The following PPP6R2 variants were observed in gnomAD, a reference collection of about 807,000 sequenced individuals.
PPP6R2 encodes the protein serine/threonine-protein phosphatase 6 regulatory subunit 2.
In PPP6R2, 62 loss-of-function variants were observed where a neutral mutation model predicts 100.2. The ratio of observed to expected loss-of-function variants is 0.62; its 90% CI spans 0.50 to 0.76. PPP6R2 has a LOEUF of 0.76. Among genes scored for constraint, PPP6R2 ranks in the 30% least tolerant of loss-of-function variants. The pLI is 0.00. For missense variants in PPP6R2, 1,142 were observed against 1,276.3 expected, an observed-to-expected ratio of 0.89 and a Z score of 1.60; for synonymous variants, 525 against 514.7, an observed-to-expected ratio of 1.02 and a Z score of -0.27.
intron 2 of PPP6R2, among the ~76,000 whole-genome samples, chr22:50,381,129 A>AG (rs1410990819): frequency 6.6e-6 from 1 of 151,438 alleles, no homozygotes; most frequent in African/African-American, 2.4e-5. Flanking sequence ...AAAAAAAAAA[A>AG]AAGAGAACTC....
Position 50,431,886 on chromosome 22 carries a change from A to C in PPP6R2, c.1336-379A>C, listed in dbSNP as rs2063213198. The stretch of plus-strand genomic sequence containing the variant: ...GGAGGTGAGAGAAAGTGCTGAGGGC[A>C]GACAGCCCTAGTCGTTCTTCCGGAC... On this transcript the variant is annotated intron_variant, in intron 11 of 23. Coordinates refer to ENST00000612753, the MANE Select transcript of PPP6R2 (RefSeq NM_001242898.2). This position sits in a 1 kb window ranked among gnomAD's most constrained non-coding sequence, Gnocchi z 4.8. 6.6e-6 allele frequency among the ~76,000 whole-genome samples: 1 copy of C among 152,176 alleles called. No individual in the cohort carries two copies. The highest frequency in any genetic ancestry group is 1.5e-5 in the Non-Finnish European group (1 of 68,022).
intron 3 of PPP6R2, among the ~76,000 whole-genome samples, chr22:50,405,567 TG>T (rs2058749557): frequency 9.2e-6 from 1 of 108,908 alleles, no homozygotes; most frequent in Non-Finnish European, 1.9e-5. Context: ...GTGAGAGGCC[TG>T]GCAGGCGAGT....
At chr22:50,349,238 C>T (rs1454641809) in intron 1 of PPP6R2, among the ~76,000 whole-genome samples, 3 of 150,236 alleles carry the variant, frequency 2.0e-5, no homozygotes, top group Non-Finnish European at 1.5e-5. Flanking sequence ...GTGGTGTGCG[C>T]CTATAGTCCC....
rs145361727 is a variant in PPP6R2, at chr22:50,413,302, T to G, written c.415-1250T>G. ...TTTCAAGGAAATTTCTTTTCTAAAT[T>G]TACAAAAACTGGCATAAAATTGTTT... On this transcript the variant is annotated intron_variant, in intron 4 of 23. Transcript: ENST00000612753. Among the ~76,000 whole-genome samples the G allele has an allele frequency of 4.3e-3, 661 of 152,224 alleles. 8 individuals are homozygous for G. The highest frequency in any genetic ancestry group is 0.015 in the African/African-American group (616 of 41,528).
chr22:50,409,192 T>C (rs2059397349), intron 4 of PPP6R2, among the ~76,000 whole-genome samples: 1 of 152,164 alleles, frequency 6.6e-6, no homozygotes, highest in Non-Finnish European at 1.5e-5. Context: ...TTCCTGAAAC[T>C]GTGGGAGTAG....
At chr22:50,355,511 G>A (rs1394823027) in intron 1 of PPP6R2, among the ~76,000 whole-genome samples, 5 of 147,040 alleles carry the variant, frequency 3.4e-5, no homozygotes, top group Non-Finnish European at 7.4e-5. Context: ...TTACAAGCGT[G>A]AGCCACTGCG....
chr22:50,438,381 T>C, intron 18 of PPP6R2, 83 bp downstream of exon 18: 2 of 1,548,632 alleles, frequency 1.3e-6, no homozygotes, highest in Non-Finnish European at 8.7e-7. Flanking sequence ...TGTGGTTCGT[T>C]AGCTGGCTTG....
At chr22:50,416,214 A>AC in intron 6 of PPP6R2, 57 bp downstream of exon 6, 1 of 1,490,646 alleles carries the variant, frequency 6.7e-7, no homozygotes, top group Non-Finnish European at 9.3e-7. Context: ...CTGCCAGGTC[A>AC]CCCACTGCTG....
chr22:50,409,420 C>CATGATG (rs774981944), intron 4 of PPP6R2, among the ~76,000 whole-genome samples: 17 of 151,938 alleles, frequency 1.1e-4, no homozygotes, highest in African/African-American at 3.4e-4. Context: ...GCCTTTTGAT[C>CATGATG]ATGATGATGA....
At chr22:50,412,966 GT>G (rs771385649) in intron 4 of PPP6R2, among the ~76,000 whole-genome samples, 33 of 121,406 alleles carry the variant, frequency 2.7e-4, no homozygotes, top group South Asian at 7.8e-4. Flanking sequence ...TTTTTTTTTT[GT>G]TTTTTTTTTT....
At chr22:50,360,771 G>C (rs1439734180) in intron 1 of PPP6R2, among the ~76,000 whole-genome samples, 2 of 152,158 alleles carry the variant, frequency 1.3e-5, no homozygotes, top group Non-Finnish European at 2.9e-5. Context: ...TGTGAGCCAG[G>C]GAGCTGACCT....
chr22:50,348,225 T>A (rs1426952510), intron 1 of PPP6R2, among the ~76,000 whole-genome samples: 1 of 152,106 alleles, frequency 6.6e-6, no homozygotes, highest in Non-Finnish European at 1.5e-5. Context: ...TCAGTCTGAG[T>A]TGTAGGAGAA....
At chr22:50,347,233 G>A (rs938608411) in intron 1 of PPP6R2, among the ~76,000 whole-genome samples, 2 of 151,704 alleles carry the variant, frequency 1.3e-5, no homozygotes, top group African/African-American at 2.4e-5. Context: ...GGACCCATTA[G>A]TACCCTGCCC....
Position 50,418,752 on chromosome 22 carries a change from AAAGTCTAGCATCTGCCAGAG to A in PPP6R2, c.619-111_619-92del, listed in dbSNP as rs2060900280. The A allele has an allele frequency of 5.1e-6, 4 of 791,110 alleles. No homozygotes were observed. In the African/African-American group the frequency reaches 6.9e-5, roughly 14 times the overall value. The allele number at this position is 791,110 out of a possible 1,614,324, so 49.0% of individuals were successfully genotyped here. ...ATCACAGTGGTATTGAACAACAACG[AAAGTCTAGCATCTGCCAGAG>A]AAGCAGCAGGACTTGTGCCCTGTGT... On this transcript the variant is annotated intron_variant, in intron 6 of 23. Transcript: ENST00000612753.
intron 1 of PPP6R2, among the ~76,000 whole-genome samples, chr22:50,368,259 G>C (rs928662394): frequency 6.6e-5 from 10 of 152,136 alleles, no homozygotes; most frequent in African/African-American, 2.2e-4. Flanking sequence ...CACAGGAGGT[G>C]GTGGAGCAGA....
chr22:50,375,646 C>T (rs8142229), intron 2 of PPP6R2, among the ~76,000 whole-genome samples: 45,814 of 151,692 alleles, frequency 0.3, 7,258 homozygotes, highest in South Asian at 0.44. Context: ...AAAACCTGTT[C>T]CTGAGAATTG....
intron 9 of PPP6R2, 114 bp downstream of exon 9, chr22:50,422,494 G>A: frequency 1.4e-6 from 2 of 1,396,390 alleles, no homozygotes; most frequent in South Asian, 1.4e-5. Flanking sequence ...GAGTGAATGT[G>A]TTCTAAGACG....
Position 50,434,905 on chromosome 22 carries a change from G to A in PPP6R2, c.1401-61G>A, listed in dbSNP as rs894327095. 7.5e-6 allele frequency: 11 copies of A among 1,470,852 alleles called. No homozygotes were observed. The African/African-American group carries it at 1.3e-4, about 17-fold the overall frequency. The allele number at this position is 1,470,852 out of a possible 1,614,324, so 91.1% of individuals were successfully genotyped here. A position where few individuals can be genotyped will look rare whatever the true frequency, so the allele number is the denominator to read the frequency against. On this transcript the variant is annotated intron_variant, in intron 12 of 23. Transcript: ENST00000612753. The stretch of plus-strand genomic sequence containing the variant: ...GAGGCCTCTGCCACTTGGCTCTCTG[G>A]GTCGTGGGTCTGGCAAGGTCGGGGC...
At chr22:50,441,528 C>T (rs1425848187) in intron 22 of PPP6R2, among the ~76,000 whole-genome samples, 1 of 152,186 alleles carries the variant, frequency 6.6e-6, no homozygotes, top group Non-Finnish European at 1.5e-5. Context: ...CCACGGGAGG[C>T]CTATGATTCC....
Sources: gnomAD v4.1 joint callset for allele counts (sites outside exome capture counted in the v4.1 genomes callset) on GRCh38, gnomAD v4.1.1 for gene constraint, Gnocchi (gnomAD v3.1) non-coding constraint, MANE v1.5 for transcripts, NCBI Gene and HGNC (gene_info 2026-07-23, HGNC 2026-07-21) for gene names.